Variants in HECTD3 observed in about 807,000 individuals in gnomAD.
HECTD3 encodes the protein HECT domain E3 ubiquitin protein ligase 3.
HECTD3 carries 72 observed loss-of-function variants against 109.3 expected under a neutral mutation model. That is an observed-to-expected ratio of 0.66 (90% CI 0.54 to 0.80). The LOEUF is 0.80. HECTD3 is among the 30% of genes least tolerant of loss of function. The probability of loss-of-function intolerance (pLI) is 0.00; values close to 1 mark genes in which losing one functional copy is unlikely to be tolerated. For synonymous variants in HECTD3, 481 were observed against 471.8 expected, an observed-to-expected ratio of 1.02 and a Z score of -0.25; for missense variants, 1,041 against 1,165.2, an observed-to-expected ratio of 0.89 and a Z score of 1.55.
intron 18 of HECTD3, 56 bp downstream of exon 18, chr1:45,004,004 C>T: frequency 1.2e-6 from 2 of 1,613,202 alleles, no homozygotes; most frequent in Non-Finnish European, 1.7e-6. Context: ...TACCCTGCCT[C>T]TGCAACTCAG....
intron 2 of HECTD3, 116 bp downstream of exon 2, chr1:45,010,430 C>T (rs2148979449): frequency 6.7e-7 from 1 of 1,495,296 alleles, no homozygotes; most frequent in South Asian, 1.2e-5. Context: ...CCCCTTTCTG[C>T]TCTTAACCCT....
Position 45,011,053 on chromosome 1 carries a change from C to G in HECTD3, c.205G>C (p.Glu69Gln), listed in dbSNP as rs752709937. The G allele has an allele frequency of 6.9e-7, 1 of 1,442,520 alleles. No homozygotes were observed. Among genetic ancestry groups the G allele is most frequent in the South Asian group, 1.4e-5 (1 of 72,108 alleles). 89.4% of individuals were successfully genotyped at this position (1,442,520 alleles called of 1,614,324 possible). Residue 69 changes from glutamate (E) to glutamine (Q), a missense_variant, in exon 1 of 21, where the codon GAG becomes CAG. Around this residue, in one of 2 missense-constraint regions of HECTD3, gnomAD observed 472 missense variants for 449.9 expected, o/e 1.05. Coordinates refer to ENST00000372172, the MANE Select transcript of HECTD3 (RefSeq NM_024602.6). ...GCGCCCACACGCAGCCCCAGGCCCT[C>G]TGCCTCCCACACCGGCAGAAGCACG... The part of the protein sequence containing the change: ...SRVLLPVWEA[E>Q]GLGLRVGAAG...
chr1:45,006,185 T>TGAACATTTTCCACTGG lies in HECTD3; in HGVS notation c.1726-85_1726-70dup. ...TATTTTCCTGGCCCAAAGACTTCCC[T>TGAACATTTTCCACTGG]GAACATTTTCCACTGGGAACATTTT... On this transcript the variant is annotated intron_variant, in intron 13 of 20. Coordinates refer to ENST00000372172, the MANE Select transcript of HECTD3 (RefSeq NM_024602.6). This position sits in a 1 kb window ranked among gnomAD's most constrained non-coding sequence, Gnocchi z 4.7. 1 of 1,564,462 alleles carries TGAACATTTTCCACTGG rather than the reference T, an allele frequency of 6.4e-7. No homozygotes were observed. Among genetic ancestry groups the TGAACATTTTCCACTGG allele is most frequent in the Non-Finnish European group, 8.7e-7 (1 of 1,145,830 alleles).
At position 45,011,001 on chromosome 1, in the gene HECTD3, G is replaced by A. The variant is rs1184941289; in HGVS notation, c.257C>T (p.Ser86Phe). ...GTCGCGGGCGGCGCGGAGGGGCCCG[G>A]AGCCGGTACCGGGGGCTGGGCCTGC... is the stretch of plus-strand genomic sequence containing the variant. ...GAAGPAPGTG[S>F]GPLRAARDSI... Residue 86 changes from serine (S) to phenylalanine (F), a missense_variant, in exon 1 of 21, where the codon TCC (serine) becomes TTC (phenylalanine). Physicochemically the swap from Ser to Phe is radical, Grantham distance 155. This residue lies in a region of HECTD3 where 472 missense variants were observed against 449.9 expected (regional missense o/e 1.05). Transcript: ENST00000372172. 6.8e-6 allele frequency: 10 copies of A among 1,461,778 alleles called. No individual in the cohort carries two copies. The highest frequency in any genetic ancestry group is 7.1e-6 in the Non-Finnish European group (8 of 1,119,364). 90.6% of individuals were successfully genotyped at this position (1,461,778 alleles called of 1,614,324 possible). A position where few individuals can be genotyped will look rare whatever the true frequency, so the allele number is the denominator to read the frequency against.
At position 45,009,747 on chromosome 1, in the gene HECTD3, T is replaced by C. The variant is rs145404669; in HGVS notation, c.760-64A>G. The C allele has an allele frequency of 4.1e-5, 54 of 1,323,494 alleles. No homozygotes were observed. The African/African-American group carries it at 7.1e-4, about 17-fold the overall frequency. The allele number at this position is 1,323,494 out of a possible 1,614,324, so 82.0% of individuals were successfully genotyped here. ...CCCTCCCTGCACTGGGCTTGTGCTCTGGGCCAGGAGCACCAGAGAGAAAGC... is the reference window on the plus strand; with the variant it reads ...CCCTCCCTGCACTGGGCTTGTGCTCCGGGCCAGGAGCACCAGAGAGAAAGC... On this transcript the variant is annotated intron_variant, in intron 4 of 20. Coordinates refer to ENST00000372172, the MANE Select transcript of HECTD3 (RefSeq NM_024602.6).
At chr1:45,009,925 G>C (rs1644769386) in intron 4 of HECTD3, 61 bp downstream of exon 4, 1 of 1,511,866 alleles carries the variant, frequency 6.6e-7, no homozygotes, top group African/African-American at 1.4e-5. Flanking sequence ...GTTCTTTCTG[G>C]ATCTAGCCTT....
chr1:45,010,331 C>T lies in HECTD3; in HGVS notation c.531-38G>A, dbSNP rs1441564166. The T allele has an allele frequency of 3.2e-6, 5 of 1,585,300 alleles. No individual in the cohort carries two copies. In the African/African-American group the frequency reaches 5.4e-5, roughly 17 times the overall value. ...AGTAGGGAGTGGGATGGGGAGACAT[C>T]AGCGGTCAGCAAGACACTACCTCCA... On this transcript the variant is annotated intron_variant, in intron 2 of 20. Coordinates refer to ENST00000372172, the MANE Select transcript of HECTD3 (RefSeq NM_024602.6).
Position 45,009,357 on chromosome 1 carries a change from C to G in HECTD3, c.989+12G>C. 6.3e-7 allele frequency: 1 copy of G among 1,599,650 alleles called. No homozygotes were observed. Among genetic ancestry groups the G allele is most frequent in the Non-Finnish European group, 8.6e-7 (1 of 1,167,148 alleles). ...ACATGCCCTACTTCCCTCCCCAGGC[C>G]AGCGTGCTCACTCGTCAATGCTCAC... is the stretch of plus-strand genomic sequence containing the variant. On this transcript the variant is annotated intron_variant, in intron 6 of 20. Transcript: ENST00000372172.
In HECTD3 at chr1:45,004,005, TG is replaced by T. The variant is rs1460426043; in HGVS notation, c.2347+54del. 4 of 1,612,408 alleles carry T rather than the reference TG, an allele frequency of 2.5e-6. No individual in the cohort carries two copies. The African/African-American group carries it at 5.3e-5, about 22-fold the overall frequency. On this transcript the variant is annotated intron_variant, in intron 18 of 20. Transcript: ENST00000372172. ...GGGTCTACAACTTCTACCCTGCCTC[TG>T]CAACTCAGCAGCAGAGTCCAAACCC...
chr1:45,011,091 G>C lies in HECTD3; in HGVS notation c.167C>G (p.Ala56Gly). 6.7e-7 allele frequency: 1 copy of C among 1,496,062 alleles called. No homozygotes were observed. Among genetic ancestry groups the C allele is most frequent in the East Asian group, 2.8e-5 (1 of 36,034 alleles). 92.7% of individuals were successfully genotyped at this position (1,496,062 alleles called of 1,614,324 possible). The change falls in exon 1 of 21, where the codon GCG (alanine) becomes GGG (glycine). Residue 56 changes from alanine to glycine, a missense_variant. Transcript: ENST00000372172. ...CGGCAGAAGCACGCGCGACGGTCCC[G>C]CTGGGTCCTTGTAAAGCTTGTAGAG... ...EVLYKLYKDP[A>G]GPSRVLLPVW...
rs1227922215 is a variant in HECTD3 at position 45,003,527 on chromosome 1, C to T, written c.2551G>A (p.Ala851Thr). 1.2e-6 allele frequency: 2 copies of T among 1,614,220 alleles called. No individual in the cohort carries two copies. Among genetic ancestry groups the T allele is most frequent in the Non-Finnish European group, 1.7e-6 (2 of 1,180,034 alleles). The part of the protein sequence containing the change: ...KLRYAAYNCV[A>T]IDTDMSPWEE ...CAAGGGCTCATGTCAGTGTCGATGGCCACGCAGTTGTAGGCCGCATAGCGG... is the reference window on the plus strand; with the variant it reads ...CAAGGGCTCATGTCAGTGTCGATGGTCACGCAGTTGTAGGCCGCATAGCGG... The change falls in exon 21 of 21, where the codon GCC (alanine) becomes ACC (threonine). Residue 851 changes from alanine (A) to threonine (T), a missense_variant. Around this residue, in one of 2 missense-constraint regions of HECTD3, gnomAD observed 569 missense variants for 715.3 expected, o/e 0.80. Transcript: ENST00000372172. The surrounding 1 kb of genome is among the most constrained non-coding windows in gnomAD (Gnocchi z 4.7).
chr1:45,009,546 G>C, intron 5 of HECTD3, 22 bp downstream of exon 5: 1 of 1,607,946 alleles, frequency 6.2e-7, no homozygotes. Flanking sequence ...CACCCACCCT[G>C]TCCTGCCCAG....
Position 45,008,588 on chromosome 1 carries a change from G to T in HECTD3, c.1186C>A (p.Leu396Ile). 1 of 1,614,066 alleles carries T rather than the reference G, an allele frequency of 6.2e-7. No homozygotes were observed. Among genetic ancestry groups the T allele is most frequent in the Non-Finnish European group, 8.5e-7 (1 of 1,179,984 alleles). ...AGTACTTCAGGGTCGGTGCCTTCTA[G>T]GCGTGGATATCGCACCAGACTAGTT... ...QPTSLVRYPR[L>I]EGTDPEVLYR... The change falls in exon 8 of 21, where the codon CTA (leucine) becomes ATA (isoleucine). Residue 396 changes from leucine (L) to isoleucine (I), a missense_variant. By Grantham distance (5) the Leu-to-Ile change is conservative. Coordinates refer to ENST00000372172, the MANE Select transcript of HECTD3 (RefSeq NM_024602.6).
chr1:45,007,122 G>T, intron 11 of HECTD3, 97 bp downstream of exon 11: 1 of 1,479,616 alleles, frequency 6.8e-7, no homozygotes, highest in Non-Finnish European at 9.2e-7. Context: ...GGTGCCTCGA[G>T]CAGTTGTGTG....
At position 45,006,414 on chromosome 1, in the gene HECTD3, G is replaced by A. The variant is rs1024312043; in HGVS notation, c.1725+278C>T. 6.6e-6 allele frequency among the ~76,000 whole-genome samples: 1 copy of A among 151,484 alleles called. No individual in the cohort carries two copies. Among genetic ancestry groups the A allele is most frequent in the Non-Finnish European group, 1.5e-5 (1 of 67,946 alleles). Reference sequence around the variant, plus strand: ...TCCGTCTCCTGGGTTCAAGCGAGTCGCCTGCTTCAGCCTCCCATGTAGCTG... The same window carrying A: ...TCCGTCTCCTGGGTTCAAGCGAGTCACCTGCTTCAGCCTCCCATGTAGCTG... On this transcript the variant is annotated intron_variant, in intron 13 of 20. Coordinates refer to ENST00000372172, the MANE Select transcript of HECTD3 (RefSeq NM_024602.6). This position sits in a 1 kb window ranked among gnomAD's most constrained non-coding sequence, Gnocchi z 4.7.
In HECTD3 at chr1:45,003,782, G is replaced by C. The variant is rs1421092671; in HGVS notation, c.2430-42C>G. The C allele has an allele frequency of 1.2e-6, 2 of 1,612,326 alleles. No individual in the cohort carries two copies. Among genetic ancestry groups the C allele is most frequent in the Non-Finnish European group, 1.7e-6 (2 of 1,178,558 alleles). ...ACCATAGGTCAGGAAGATGTGTTGGGGCACATGTACGTGTGTGGGGAGGGA... is the reference window on the plus strand; with the variant it reads ...ACCATAGGTCAGGAAGATGTGTTGGCGCACATGTACGTGTGTGGGGAGGGA... On this transcript the variant is annotated intron_variant, in intron 19 of 20. Transcript: ENST00000372172. The surrounding 1 kb of genome is among the most constrained non-coding windows in gnomAD (Gnocchi z 4.7).
chr1:45,006,695 G>A lies in HECTD3; in HGVS notation c.1722C>T (p.Asn574=). ...CAGAGATGGAAACGGAGATTACCTG[G>A]TTGGCTGTGCGTACAAAGAAGGGCA... ...VPLPFFVRTA[N]QGNGTGEARD... is the part of the protein sequence containing the mutation. The change falls in exon 13 of 21, where the codon AAC becomes AAT. Residue 574 remains asparagine (N), a synonymous_variant. Coordinates refer to ENST00000372172, the MANE Select transcript of HECTD3 (RefSeq NM_024602.6). This position sits in a 1 kb window ranked among gnomAD's most constrained non-coding sequence, Gnocchi z 4.7. 6.2e-7 allele frequency: 1 copy of A among 1,611,156 alleles called. No individual in the cohort carries two copies. Among genetic ancestry groups the A allele is most frequent in the Non-Finnish European group, 8.5e-7 (1 of 1,178,326 alleles).
chr1:45,009,792 A>G (rs1300737816), intron 4 of HECTD3, 109 bp from the exon 5 acceptor site: 3 of 1,090,592 alleles, frequency 2.8e-6, no homozygotes, highest in African/African-American at 1.6e-5. Context: ...TTGGGCTAAC[A>G]GGCAACTGGT....
chr1:45,005,754 G>A (rs773181966), intron 15 of HECTD3, 40 bp downstream of exon 15: 6 of 1,518,558 alleles, frequency 4.0e-6, no homozygotes, highest in Non-Finnish European at 5.3e-6. Flanking sequence ...CAACCTTTAG[G>A]GGCTGGGCAG....
Sources: gnomAD v4.1 joint callset for allele counts (sites outside exome capture counted in the v4.1 genomes callset) on GRCh38, gnomAD v4.1.1 for gene constraint, gnomAD v4.1.1 regional missense constraint, Gnocchi (gnomAD v3.1) non-coding constraint, MANE v1.5 for transcripts, NCBI Gene and HGNC (gene_info 2026-07-23, HGNC 2026-07-21) for gene names.